The following POMGNT1 variants were observed in gnomAD, a reference collection of about 807,000 sequenced individuals.
POMGNT1 encodes the protein protein O-linked-mannose beta-1,2-N-acetylglucosaminyltransferase 1.
Under a neutral mutation model 95.6 loss-of-function variants are expected in POMGNT1, and 67 were observed. The ratio of observed to expected loss-of-function variants is 0.70; its 90% CI spans 0.58 to 0.86. The LOEUF (loss-of-function observed/expected upper bound fraction) is 0.86, where lower values mean the gene tolerates loss of function less well. POMGNT1 is among the 40% of genes least tolerant of loss of function. The probability of loss-of-function intolerance (pLI) is 0.00; values close to 1 mark genes in which losing one functional copy is unlikely to be tolerated. For synonymous variants in POMGNT1, 298 were observed against 317.9 expected, an observed-to-expected ratio of 0.94 and a Z score of 0.66; for missense variants, 719 against 855.2, an observed-to-expected ratio of 0.84 and a Z score of 1.99.
exon 1 of POMGNT1, chr1:46,219,883 A>G (rs1449229103): frequency 1.2e-6 from 2 of 1,613,746 alleles, no homozygotes; most frequent in Middle Eastern, 1.6e-4. Flanking sequence ...GGCAGCTGGG[A>G]CAGCCTGCCA....
intron 2 of POMGNT1, 23 bp downstream of exon 2, chr1:46,197,679 G>C (rs746724071): frequency 6.2e-7 from 1 of 1,613,992 alleles, no homozygotes; most frequent in Non-Finnish European, 8.5e-7. Context: ...GCTCGGTGGG[G>C]AGGGTTTGGG....
chr1:46,203,673 C>G, intron 1 of POMGNT1: 1 of 1,544,938 alleles, frequency 6.5e-7, no homozygotes, highest in Non-Finnish European at 8.7e-7. Context: ...AGTGTAGGGC[C>G]GGGAGGGACG....
chr1:46,212,669 C>T (rs533670541), intron 1 of POMGNT1, among the ~76,000 whole-genome samples: 33 of 152,214 alleles, frequency 2.2e-4, no homozygotes, highest in African/African-American at 7.0e-4. Context: ...CTCTGCCTCC[C>T]GGGTTCAAGT....
chr1:46,210,264 C>CTGTG (rs558204802), intron 1 of POMGNT1, among the ~76,000 whole-genome samples: 4 of 152,120 alleles, frequency 2.6e-5, no homozygotes, highest in East Asian at 3.9e-4. Context: ...AAACCCTAAA[C>CTGTG]TGTGTGTGTG....
chr1:46,194,711 C>T (rs1194265487), intron 7 of POMGNT1, 60 bp from the exon 8 acceptor site: 1 of 1,614,154 alleles, frequency 6.2e-7, no homozygotes, highest in Non-Finnish European at 8.5e-7. Context: ...GGGCTTTTTC[C>T]CATCTCCCTG....
rs538677981 is a variant in POMGNT1, at chr1:46,211,611, T to G, written c.-51+8094A>C. The stretch of plus-strand genomic sequence containing the variant: ...CATGTTAATATGTTCCTTCGATGTC[T>G]CATGACAAACCTTTAGATAGTACCT... On this transcript the variant is annotated intron_variant, in intron 1 of 22. Coordinates refer to the POMGNT1 transcript ENST00000371992. Among the ~76,000 whole-genome samples the G allele has an allele frequency of 2.6e-5, 4 of 152,192 alleles. No homozygotes were observed. In the South Asian group the frequency reaches 8.3e-4, roughly 32 times the overall value.
intron 1 of POMGNT1, among the ~76,000 whole-genome samples, chr1:46,208,781 C>T (rs1658802824): frequency 6.6e-6 from 1 of 151,774 alleles, no homozygotes; most frequent in East Asian, 1.9e-4. Flanking sequence ...GCGGAGGTTG[C>T]AATGAGCCAA....
At chr1:46,190,579 C>A (rs116579447) in intron 18 of POMGNT1, 62 bp from the exon 19 acceptor site, 1 of 1,539,512 alleles carries the variant, frequency 6.5e-7, no homozygotes, top group Non-Finnish European at 9.0e-7. Context: ...ATGGGTAGCA[C>A]TGAGCAGGGC....
chr1:46,210,231 A>G (rs1259297811), intron 1 of POMGNT1, among the ~76,000 whole-genome samples: 1 of 152,126 alleles, frequency 6.6e-6, no homozygotes, highest in Non-Finnish European at 1.5e-5. Flanking sequence ...ATTTTTTTCT[A>G]TGCTTTTGCC....
rs768700187 is a variant in POMGNT1 at position 46,197,715 on chromosome 1, C to T, written c.107G>A (p.Arg36Gln). ...KYKLTNQRALRRFCQTGAVLF... is the reference protein window; with the variant it reads ...KYKLTNQRALQRFCQTGAVLF... ...ACATCTCTATACCTGACAGAATCTC[C>T]GCAGGGCCCGCTGGTTTGTCAGTTT... Residue 36 changes from arginine to glutamine, a missense_variant, in exon 2 of 22, where the codon CGG (arginine) becomes CAG (glutamine). This residue lies in a region of POMGNT1 where 466 missense variants were observed against 517.4 expected (regional missense o/e 0.90). Transcript: ENST00000371984. 1.2e-5 allele frequency: 19 copies of T among 1,613,974 alleles called. No homozygotes were observed. Among genetic ancestry groups the T allele is most frequent in the African/African-American group, 2.7e-5 (2 of 74,882 alleles).
chr1:46,197,650 G>A, intron 2 of POMGNT1, 52 bp downstream of exon 2: 1 of 1,611,418 alleles, frequency 6.2e-7, no homozygotes, highest in Non-Finnish European at 8.5e-7. Context: ...TTTAGGTGGG[G>A]AGGAAGCTGG....
At chr1:46,209,978 A>G (rs1381096329) in intron 1 of POMGNT1, among the ~76,000 whole-genome samples, 1 of 152,122 alleles carries the variant, frequency 6.6e-6, no homozygotes, top group African/African-American at 2.4e-5. Context: ...CTGTTCATAT[A>G]TTTGTCTCCA....
Position 46,192,573 on chromosome 1 carries a change from A to G in POMGNT1, c.1229T>C (p.Ile410Thr), listed in dbSNP as rs780004201. 2 of 1,614,106 alleles carry G rather than the reference A, an allele frequency of 1.2e-6. No individual in the cohort carries two copies. Among genetic ancestry groups the G allele is most frequent in the South Asian group, 2.2e-5 (2 of 91,068 alleles). The change falls in exon 15 of 22, where the codon ATC (isoleucine) becomes ACC (threonine). Residue 410 changes from isoleucine (I) to threonine (T), a missense_variant. Coordinates refer to ENST00000371984, the MANE Select transcript of POMGNT1 (RefSeq NM_017739.4). ...GCTGTCATCCTCCTCCAGTAGGTGGATGGATTGGCTCAGGAAACTGAGAGA... is the reference window on the plus strand; with the variant it reads ...GCTGTCATCCTCCTCCAGTAGGTGGGTGGATTGGCTCAGGAAACTGAGAGA... Reference protein sequence around the residue: ...VDFFSFLSQSIHLLEEDDSLY... With the variant: ...VDFFSFLSQSTHLLEEDDSLY...
At chr1:46,214,867 CAAA>C (rs5773905) in intron 1 of POMGNT1, among the ~76,000 whole-genome samples, 2,102 of 89,462 alleles carry the variant, frequency 0.023, 46 homozygotes, top group African/African-American at 0.093. Context: ...GACTCCATCT[CAAA>C]AAAAAAAAAA....
Position 46,195,766 on chromosome 1 carries a change from T to C in POMGNT1, c.534+45A>G, listed in dbSNP as rs370224567. On this transcript the variant is annotated intron_variant, in intron 6 of 21. Transcript: ENST00000371984. ...AGAGAAGCCGGGGCTAGAAGCAGGG[T>C]TGGAGCTAGGGAGTAGGGGTCAGGG... 4.6e-5 allele frequency: 70 copies of C among 1,520,056 alleles called. No homozygotes were observed. In the African/African-American group the frequency reaches 8.4e-4, roughly 18 times the overall value. 94.2% of individuals were successfully genotyped at this position (1,520,056 alleles called of 1,614,324 possible).
Position 46,188,768 on chromosome 1 carries a change from G to A in POMGNT1, c.*502C>T, listed in dbSNP as rs377163612. ...AAAGAGAAGGCTGAGAGGAGGCCTG[G>A]TCCAGTGTCTAAGGGTCTCTGAGTG... is the stretch of plus-strand genomic sequence containing the variant. On this transcript the variant is annotated 3_prime_UTR_variant, in exon 22 of 22. Coordinates refer to ENST00000371984, the MANE Select transcript of POMGNT1 (RefSeq NM_017739.4). 3.2e-5 allele frequency: 51 copies of A among 1,612,842 alleles called. No homozygotes were observed. In the African/African-American group the frequency reaches 6.1e-4, roughly 19 times the overall value.
chr1:46,193,437 C>T (rs769550158), intron 11 of POMGNT1, 49 bp from the exon 12 acceptor site: 1 of 1,604,868 alleles, frequency 6.2e-7, no homozygotes, highest in Non-Finnish European at 8.5e-7. Context: ...TTCCCTCTGC[C>T]CACCTCTGCA....
intron 8 of POMGNT1, 62 bp downstream of exon 8, chr1:46,194,489 CAG>C (rs1266551035): frequency 5.0e-6 from 8 of 1,614,022 alleles, no homozygotes; most frequent in Middle Eastern, 1.6e-4. Context: ...TAAAGCTCCA[CAG>C]AGAGATCTAA....
In POMGNT1 at chr1:46,194,968, G is replaced by C. The variant is rs375913574; in HGVS notation, c.535-7C>G. On this transcript the variant is annotated splice_polypyrimidine_tract_variant and splice_region_variant and intron_variant, in intron 6 of 21. Transcript: ENST00000371984. ...GGTGGAAGGAGCCCTCATCCTGGGG[G>C]ACCAGAGAAGGCAGTTAGCCTGACT... is the stretch of plus-strand genomic sequence containing the variant. The C allele has an allele frequency of 5.1e-5, 82 of 1,613,570 alleles. No individual in the cohort carries two copies. The highest frequency in any genetic ancestry group is 6.2e-5 in the Non-Finnish European group (73 of 1,179,744).
Sources: allele counts gnomAD v4.1 joint callset (sites outside exome capture counted in the v4.1 genomes callset), GRCh38; gene constraint gnomAD v4.1.1; regional missense constraint gnomAD v4.1.1; transcripts MANE v1.5; gene names NCBI Gene and HGNC (gene_info 2026-07-23, HGNC 2026-07-21).